ME1: variants seen among roughly 807,000 people sequenced by gnomAD.
ME1 encodes malic enzyme 1, also known as NADP-dependent malic enzyme.
ME1 carries 74 observed loss-of-function variants against 66.4 expected under a neutral mutation model. The ratio of observed to expected loss-of-function variants is 1.11; its 90% CI spans 0.92 to 1.35. The LOEUF (loss-of-function observed/expected upper bound fraction) is 1.35, where lower values mean the gene tolerates loss of function less well. Among genes scored for constraint, ME1 ranks in the 40% most tolerant of loss-of-function variants. The pLI is 0.00. For missense variants in ME1, 750 were observed against 694.1 expected, an observed-to-expected ratio of 1.08 and a Z score of -0.90; for synonymous variants, 251 against 235.6, an observed-to-expected ratio of 1.07 and a Z score of -0.60.
rs541340414 is a variant in ME1, at chr6:83,210,729, T to C, written c.*1195A>G. On this transcript the variant is annotated 3_prime_UTR_variant, in exon 14 of 14. Coordinates refer to ENST00000369705, the MANE Select transcript of ME1 (RefSeq NM_002395.6). ...AAACAAAATTCTTCAAATAATTCTA[T>C]AAATAAGTAGCAAATGTTATTGCAC... 2 of 152,344 alleles carry C rather than the reference T, an allele frequency of 1.3e-5. No homozygotes were observed. Among genetic ancestry groups the C allele is most frequent in the East Asian group, 3.9e-4 (2 of 5,192 alleles). 9.4% of individuals were successfully genotyped at this position (152,344 alleles called of 1,614,324 possible).
intron 7 of ME1, among the ~76,000 whole-genome samples, chr6:83,250,402 G>A (rs1017106021): frequency 1.8e-4 from 27 of 152,132 alleles, no homozygotes; most frequent in African/African-American, 5.6e-4. Flanking sequence ...AACACAGAGA[G>A]GTTATGTAAA....
intron 9 of ME1, among the ~76,000 whole-genome samples, chr6:83,231,243 T>C (rs986372535): frequency 1.3e-5 from 2 of 152,156 alleles, no homozygotes; most frequent in African/African-American, 2.4e-5. Context: ...AACATCTTTA[T>C]TAATCATAGT....
chr6:83,347,401 T>C (rs1383551356), intron 4 of ME1, among the ~76,000 whole-genome samples: 1 of 152,204 alleles, frequency 6.6e-6, no homozygotes, highest in Non-Finnish European at 1.5e-5. Flanking sequence ...ACCAATCTTA[T>C]GAAACACAAT....
At chr6:83,306,819 C>T (rs891328957) in intron 6 of ME1, among the ~76,000 whole-genome samples, 2 of 151,998 alleles carry the variant, frequency 1.3e-5, no homozygotes, top group African/African-American at 4.8e-5. Flanking sequence ...TTTTCTAACA[C>T]AGCTTATATT....
At position 83,219,485 on chromosome 6, in the gene ME1, A is replaced by G. The variant is rs986860632; in HGVS notation, c.1450-2889T>C. ...TTCTCATCAGTAATACAGGACTAAT[A>G]ATACTTCCTAATTCATAAGGATTGA... On this transcript the variant is annotated intron_variant, in intron 12 of 13. Coordinates refer to ENST00000369705, the MANE Select transcript of ME1 (RefSeq NM_002395.6). 4.6e-5 allele frequency among the ~76,000 whole-genome samples: 7 copies of G among 152,350 alleles called. No homozygotes were observed. In the South Asian group the frequency reaches 8.3e-4, roughly 18 times the overall value.
chr6:83,418,804 A>T (rs1294403859), intron 1 of ME1, among the ~76,000 whole-genome samples: 1 of 152,212 alleles, frequency 6.6e-6, no homozygotes, highest in Admixed American at 6.5e-5. Flanking sequence ...TAACTATAAC[A>T]ATTGTGATAA....
rs1043545530 is a variant in ME1, at chr6:83,216,690, G to A, written c.1450-94C>T. On this transcript the variant is annotated intron_variant, in intron 12 of 13. Coordinates refer to ENST00000369705, the MANE Select transcript of ME1 (RefSeq NM_002395.6). ...ACTAAGTGAACGGTTACATATAATG[G>A]TCTATACAAAAACCAGTGACATTAA... 7 of 766,032 alleles carry A rather than the reference G, an allele frequency of 9.1e-6. No individual in the cohort carries two copies. In the African/African-American group the frequency reaches 1.2e-4, roughly 14 times the overall value. 47.5% of individuals were successfully genotyped at this position (766,032 alleles called of 1,614,324 possible). A position where few individuals can be genotyped will look rare whatever the true frequency, so the allele number is the denominator to read the frequency against.
rs558037680 is a variant in ME1, at chr6:83,270,557, C to T, written c.705-16819G>A. On this transcript the variant is annotated intron_variant, in intron 6 of 13. Coordinates refer to ENST00000369705, the MANE Select transcript of ME1 (RefSeq NM_002395.6). ...CACACTACTGCATGCAGTAGTGGCA[C>T]GCTAATGGAGGGCATTAACTGGGAT... 1.2e-4 allele frequency among the ~76,000 whole-genome samples: 19 copies of T among 152,128 alleles called. No homozygotes were observed. In the South Asian group the frequency reaches 2.1e-3, roughly 17 times the overall value.
intron 6 of ME1, among the ~76,000 whole-genome samples, chr6:83,310,944 C>T (rs1767918935): frequency 6.6e-6 from 1 of 152,088 alleles, no homozygotes; most frequent in Non-Finnish European, 1.5e-5. Context: ...ATCCTAGTTA[C>T]AAAAGAATGG....
chr6:83,301,759 A>G (rs1331159392), intron 6 of ME1, among the ~76,000 whole-genome samples: 2 of 152,198 alleles, frequency 1.3e-5, no homozygotes, highest in African/African-American at 4.8e-5. Context: ...ACCATCTCAC[A>G]CCAGTCAGAA....
rs374367610 is a variant in ME1, at chr6:83,227,188, G to C, written c.1275+147C>G. ...ATACAACATTCTAGAAAAGGAAATA[G>C]TTCTTATCCCTCTGATTTGTGTGCT... On this transcript the variant is annotated intron_variant, in intron 11 of 13. Coordinates refer to ENST00000369705, the MANE Select transcript of ME1 (RefSeq NM_002395.6). 53 of 428,308 alleles carry C rather than the reference G, an allele frequency of 1.2e-4. No homozygotes were observed. The South Asian group carries it at 5.7e-3, about 46-fold the overall frequency. The allele number at this position is 428,308 out of a possible 1,614,324, so 26.5% of individuals were successfully genotyped here.
rs1181946506 is a variant in ME1, at chr6:83,227,476, T to A, written c.1134A>T (p.Gly378=). The change falls in exon 11 of 14, where the codon GGA becomes GGT. Residue 378 remains glycine, a splice_region_variant and synonymous_variant. Coordinates refer to ENST00000369705, the MANE Select transcript of ME1 (RefSeq NM_002395.6). The part of the protein sequence containing the change: ...VQEIKPTALI[G]VAAIGGAFSE... ...AGAATGCACCACCAATTGCAGCAAC[T>A]CCTAATGAAGAAATATGAAGCTGGT... 2 of 1,594,274 alleles carry A rather than the reference T, an allele frequency of 1.3e-6. No individual in the cohort carries two copies. The highest frequency in any genetic ancestry group is 4.5e-5 in the East Asian group (2 of 44,544).
chr6:83,224,525 A>G (rs1344009562), intron 11 of ME1, among the ~76,000 whole-genome samples: 1 of 151,436 alleles, frequency 6.6e-6, no homozygotes, highest in East Asian at 1.9e-4. Context: ...TCTACTAAAA[A>G]TATAAAAAGT....
chr6:83,243,320 T>C (rs1479013894), intron 7 of ME1, among the ~76,000 whole-genome samples: 1 of 141,026 alleles, frequency 7.1e-6, no homozygotes, highest in Non-Finnish European at 1.5e-5. Flanking sequence ...TTATATGTAA[T>C]TATATAAAAT....
intron 6 of ME1, among the ~76,000 whole-genome samples, chr6:83,300,614 T>TTC (rs1767697364): frequency 1.4e-5 from 2 of 140,094 alleles, no homozygotes; most frequent in African/African-American, 5.4e-5. Flanking sequence ...TTCTTTCTTT[T>TTC]TTTTTTTTTT....
At chr6:83,256,834 A>G (rs1029718952) in intron 6 of ME1, among the ~76,000 whole-genome samples, 5 of 152,218 alleles carry the variant, frequency 3.3e-5, no homozygotes, top group Admixed American at 3.3e-4. Context: ...AATGAGGCAC[A>G]TATATGCCGT....
intron 7 of ME1, among the ~76,000 whole-genome samples, chr6:83,241,566 A>C (rs1790510444): frequency 2.0e-5 from 3 of 152,100 alleles, no homozygotes; most frequent in Non-Finnish European, 4.4e-5. Context: ...CTGAGAACAC[A>C]ATGAAAACAC....
chr6:83,358,886 T>C (rs1768951610), intron 3 of ME1, among the ~76,000 whole-genome samples: 1 of 152,168 alleles, frequency 6.6e-6, no homozygotes, highest in Non-Finnish European at 1.5e-5. Context: ...TTCTTTTTTC[T>C]TTTTATATTC....
chr6:83,253,696 AT>A lies in ME1; in HGVS notation c.746del (p.Asn249MetfsTer2). 6.2e-7 allele frequency: 1 copy of A among 1,611,140 alleles called. No individual in the cohort carries two copies. Among genetic ancestry groups the A allele is most frequent in the Non-Finnish European group, 8.5e-7 (1 of 1,177,794 alleles). ...TGTTCAGGAGACGAAATGCATTCAC[AT>A]TGGCAAAATCTTCAAACTGAATAAG... ...NCLIQFEDFA[N>X]VNAFRLLNKY... On this transcript the variant is annotated frameshift_variant, in exon 7 of 14. Transcript: ENST00000369705. LOFTEE classifies it high-confidence loss of function.
Sources: allele counts gnomAD v4.1 joint callset (sites outside exome capture counted in the v4.1 genomes callset), GRCh38; gene constraint gnomAD v4.1.1; transcripts MANE v1.5; gene names NCBI Gene and HGNC (gene_info 2026-07-23, HGNC 2026-07-21).